Variants in FBXL7 observed in about 807,000 individuals in gnomAD.
The protein encoded by FBXL7 is F-box and leucine rich repeat protein 7.
A neutral mutation model predicts 38.3 loss-of-function variants in FBXL7; 12 were observed. That is an observed-to-expected ratio of 0.31 (90% CI 0.20 to 0.51). FBXL7 has a LOEUF of 0.51. FBXL7 is among the 20% of genes least tolerant of loss of function. The probability of loss-of-function intolerance (pLI) is 0.98; values close to 1 mark genes in which losing one functional copy is unlikely to be tolerated. For missense variants in FBXL7, 567 were observed against 676.4 expected (o/e 0.84, Z 1.79); for synonymous variants, 297 against 300.9 (o/e 0.99, Z 0.13).
intron 2 of FBXL7, among the ~76,000 whole-genome samples, chr5:15,863,746 T>C (rs1327671909): frequency 6.6e-6 from 1 of 152,174 alleles, no homozygotes; most frequent in Non-Finnish European, 1.5e-5. Flanking sequence ...TCTCACCCTG[T>C]TAGTTCACCA....
At chr5:15,857,674 G>C (rs994176173) in intron 2 of FBXL7, among the ~76,000 whole-genome samples, 1 of 152,210 alleles carries the variant, frequency 6.6e-6, no homozygotes, top group East Asian at 1.9e-4. Flanking sequence ...GGCAAAAGTA[G>C]TGAATGTTTT....
At chr5:15,816,283 A>ATG (rs1738012887) in intron 2 of FBXL7, among the ~76,000 whole-genome samples, 1 of 151,594 alleles carries the variant, frequency 6.6e-6, no homozygotes, top group Non-Finnish European at 1.5e-5. Flanking sequence ...ATATATATAT[A>ATG]TATGTGCCAT....
chr5:15,601,706 C>G (rs1217316947), intron 1 of FBXL7, among the ~76,000 whole-genome samples: 2 of 152,130 alleles, frequency 1.3e-5, no homozygotes, highest in Non-Finnish European at 2.9e-5. Context: ...TTATTTTCCA[C>G]CCGTAATAAT....
At chr5:15,558,327 G>A (rs556084928) in intron 1 of FBXL7, among the ~76,000 whole-genome samples, 2 of 152,314 alleles carry the variant, frequency 1.3e-5, no homozygotes, top group African/African-American at 4.8e-5. Flanking sequence ...TGCTTTCCAA[G>A]AGGATTAATC....
intron 2 of FBXL7, among the ~76,000 whole-genome samples, chr5:15,743,154 A>G (rs1735934613): frequency 6.6e-6 from 1 of 152,110 alleles, no homozygotes; most frequent in Admixed American, 6.5e-5. Context: ...TAAAGACACA[A>G]TTATGCCTTC....
chr5:15,579,727 A>G (rs1326458560), intron 1 of FBXL7, among the ~76,000 whole-genome samples: 1 of 152,116 alleles, frequency 6.6e-6, no homozygotes, highest in African/African-American at 2.4e-5. Flanking sequence ...GGGGCCAGTC[A>G]GTGGCTGGAG....
At chr5:15,578,530 T>TA (rs1209199891) in intron 1 of FBXL7, among the ~76,000 whole-genome samples, 2 of 152,164 alleles carry the variant, frequency 1.3e-5, no homozygotes, top group African/African-American at 2.4e-5. Flanking sequence ...AACCCATAGA[T>TA]ATGGCCTCAG....
chr5:15,584,112 C>T (rs1025793482), intron 1 of FBXL7, among the ~76,000 whole-genome samples: 12 of 152,108 alleles, frequency 7.9e-5, no homozygotes, highest in Non-Finnish European at 1.3e-4. Context: ...GGCTGGGATG[C>T]AGGGCACCAA....
At chr5:15,707,173 C>CA (rs1743708795) in intron 2 of FBXL7, among the ~76,000 whole-genome samples, 23 of 39,174 alleles carry the variant, frequency 5.9e-4, no homozygotes, top group Non-Finnish European at 1.2e-3. Context: ...TTTTTCTTTT[C>CA]GTTTTTTTTT....
chr5:15,798,963 C>T (rs1737487298), intron 2 of FBXL7, among the ~76,000 whole-genome samples: 1 of 152,204 alleles, frequency 6.6e-6, no homozygotes, highest in Non-Finnish European at 1.5e-5. Context: ...GGCAGTACCA[C>T]GTGGTGCATT....
intron 2 of FBXL7, among the ~76,000 whole-genome samples, chr5:15,801,107 A>C (rs1737553368): frequency 6.6e-6 from 1 of 152,184 alleles, no homozygotes. Context: ...TGATTTTATT[A>C]GGCCTGCCTG....
intron 1 of FBXL7, among the ~76,000 whole-genome samples, chr5:15,593,341 T>C (rs985496715): frequency 5.3e-5 from 8 of 152,038 alleles, no homozygotes; most frequent in Non-Finnish European, 1.2e-4. Flanking sequence ...CTGGCCAACA[T>C]TGTGAGACTC....
intron 1 of FBXL7, among the ~76,000 whole-genome samples, chr5:15,577,230 C>T (rs571307719): frequency 7.2e-5 from 11 of 152,278 alleles, no homozygotes; most frequent in Admixed American, 2.0e-4. Context: ...TCTGGGTCAG[C>T]GTGGCCTCTG....
At chr5:15,913,935 G>A (rs909759424) in intron 2 of FBXL7, among the ~76,000 whole-genome samples, 4 of 152,148 alleles carry the variant, frequency 2.6e-5, no homozygotes, top group Non-Finnish European at 4.4e-5. Context: ...TAGTTCGGGG[G>A]TTGGGGAGGG....
chr5:15,790,354 G>A (rs1259505152), intron 2 of FBXL7, among the ~76,000 whole-genome samples: 2 of 152,090 alleles, frequency 1.3e-5, no homozygotes, highest in African/African-American at 4.8e-5. Flanking sequence ...TTGGTCCCTT[G>A]TTCAACCTCT....
At chr5:15,687,861 C>T (rs1187857422) in intron 2 of FBXL7, among the ~76,000 whole-genome samples, 1 of 152,166 alleles carries the variant, frequency 6.6e-6, no homozygotes, top group Non-Finnish European at 1.5e-5. Flanking sequence ...AAGAATGAAA[C>T]TAGCATGTGC....
intron 2 of FBXL7, among the ~76,000 whole-genome samples, chr5:15,699,170 T>A (rs372760477): frequency 1.6e-4 from 25 of 152,262 alleles, no homozygotes; most frequent in African/African-American, 5.8e-4. Context: ...TGTTTCCTGT[T>A]GTGTTATAAT....
chr5:15,702,824 C>G (rs1233110849), intron 2 of FBXL7, among the ~76,000 whole-genome samples: 1 of 152,000 alleles, frequency 6.6e-6, no homozygotes, highest in East Asian at 1.9e-4. Flanking sequence ...CGAGCTGAGT[C>G]CGAAAAGAGA....
At chr5:15,558,475 A>T (rs1329876896) in intron 1 of FBXL7, among the ~76,000 whole-genome samples, 1 of 152,210 alleles carries the variant, frequency 6.6e-6, no homozygotes, top group Non-Finnish European at 1.5e-5. Context: ...CAGCCAAAGG[A>T]ATCACACAGG....
Sources: gnomAD v4.1 joint callset for allele counts (sites outside exome capture counted in the v4.1 genomes callset) on GRCh38, gnomAD v4.1.1 for gene constraint, MANE v1.5 for transcripts, NCBI Gene and HGNC (gene_info 2026-07-23, HGNC 2026-07-21) for gene names.